Variants in ARHGEF10 observed in about 807,000 individuals in gnomAD.
ARHGEF10 encodes the protein Rho guanine nucleotide exchange factor 10, also known as Rho guanine nucleotide exchange factor (GEF) 10.
In ARHGEF10, 140 loss-of-function variants were observed where a neutral mutation model predicts 147.4. That is an observed-to-expected ratio of 0.95 (90% CI 0.83 to 1.09). ARHGEF10 has a LOEUF of 1.09. Among genes scored for constraint, ARHGEF10 ranks in the 50% least tolerant of loss-of-function variants. The pLI is 0.00. For synonymous variants in ARHGEF10, 902 were observed against 695.8 expected, an observed-to-expected ratio of 1.30 and a Z score of -4.67; for missense variants, 2,222 against 1,752.7, an observed-to-expected ratio of 1.27 and a Z score of -4.78.
chr8:1,947,708 C>A (rs543662647), intron 27 of ARHGEF10, among the ~76,000 whole-genome samples: 3 of 147,554 alleles, frequency 2.0e-5, no homozygotes, highest in South Asian at 4.5e-4. Context: ...CCCTCTCATC[C>A]CAGCATCCCA....
At chr8:1,938,043 G>A (rs554206358) in intron 26 of ARHGEF10, among the ~76,000 whole-genome samples, 1 of 152,264 alleles carries the variant, frequency 6.6e-6, no homozygotes, top group East Asian at 1.9e-4. Context: ...AACGTGGCAG[G>A]GGGCACCCAC....
At chr8:1,848,185 G>C (rs908766053) in intron 2 of ARHGEF10, among the ~76,000 whole-genome samples, 1 of 152,206 alleles carries the variant, frequency 6.6e-6, no homozygotes, top group African/African-American at 2.4e-5. Context: ...TGTATTTGTC[G>C]TCCTCTCTTC....
intron 1 of ARHGEF10, chr8:1,825,906 A>G (rs541301390): frequency 3.0e-5 from 18 of 605,450 alleles, no homozygotes; most frequent in African/African-American, 5.5e-5. Flanking sequence ...AGGAGGAACA[A>G]TTTCACTGTT....
intron 9 of ARHGEF10, 139 bp downstream of exon 9, chr8:1,880,303 G>C: frequency 4.3e-6 from 3 of 691,966 alleles, no homozygotes; most frequent in Non-Finnish European, 7.8e-6. Context: ...CCGACGCTTT[G>C]GGGCTCACGT....
chr8:1,862,724 A>G (rs6558556), intron 4 of ARHGEF10, among the ~76,000 whole-genome samples: 131,046 of 151,666 alleles, frequency 0.86, 57,109 homozygotes, highest in East Asian at 1. Flanking sequence ...TGCAAAACAC[A>G]AGTAAAAGCT....
chr8:1,867,116 G>A (rs1016161974), intron 6 of ARHGEF10, among the ~76,000 whole-genome samples: 1 of 148,172 alleles, frequency 6.7e-6, no homozygotes, highest in Non-Finnish European at 1.5e-5. Context: ...CCGAATAAAT[G>A]TTTTGTTAAT....
At chr8:1,856,759 C>T (rs571288963) in intron 2 of ARHGEF10, among the ~76,000 whole-genome samples, 1 of 152,282 alleles carries the variant, frequency 6.6e-6, no homozygotes, top group Non-Finnish European at 1.5e-5. Context: ...TTTGGGCTGA[C>T]CCAGGCTCTG....
At chr8:1,882,330 A>T (rs1444910226) in intron 9 of ARHGEF10, among the ~76,000 whole-genome samples, 3 of 152,118 alleles carry the variant, frequency 2.0e-5, no homozygotes, top group African/African-American at 7.2e-5. Context: ...GTTGTTTGAC[A>T]TTTGTGCATG....
intron 3 of ARHGEF10, 87 bp from the exon 4 acceptor site, chr8:1,859,810 T>C: frequency 1.3e-6 from 2 of 1,518,714 alleles, no homozygotes; most frequent in East Asian, 2.2e-5. Context: ...TGGGAGCTCA[T>C]ACCTGCTTCC....
At chr8:1,907,269 C>A (rs532312096) in intron 17 of ARHGEF10, among the ~76,000 whole-genome samples, 1 of 152,130 alleles carries the variant, frequency 6.6e-6, no homozygotes, top group African/African-American at 2.4e-5. Flanking sequence ...TGTCCCAGAA[C>A]CCCCCTCTCC....
At position 1,860,143 on chromosome 8, in the gene ARHGEF10, C is replaced by G. The variant is rs1271093796; in HGVS notation, c.440C>G (p.Ser147Cys). The G allele has an allele frequency of 1.1e-5, 17 of 1,613,958 alleles. No homozygotes were observed. Among genetic ancestry groups the G allele is most frequent in the Non-Finnish European group, 1.4e-5 (16 of 1,179,982 alleles). Residue 147 changes from serine to cysteine, a missense_variant, in exon 4 of 29, where the codon TCC (serine) becomes TGC (cysteine). Physicochemically the swap from Ser to Cys is moderately radical, Grantham distance 112. Transcript: ENST00000349830. ...SNLPLLLPAY[S>C]SPVIICATSL... ...CTGCCCCTCCTGCTGCCCGCCTACT[C>G]CAGCCCGGTCATCATCTGCGCCACG...
chr8:1,832,955 CAGAGGCAGATACAGAGGCAGAG>C (rs1282797254), intron 1 of ARHGEF10, among the ~76,000 whole-genome samples: 1 of 55,700 alleles, frequency 1.8e-5, no homozygotes, highest in African/African-American at 7.6e-5. Flanking sequence ...GAGACAGAGG[CAGAGGCAGATACAGAGGCAGAG>C]AGAGACAGAG....
chr8:1,924,472 C>A (rs1420928373), intron 21 of ARHGEF10, among the ~76,000 whole-genome samples: 1 of 152,174 alleles, frequency 6.6e-6, no homozygotes, highest in Non-Finnish European at 1.5e-5. Context: ...ACTGGGATGT[C>A]ATGTGTGTGT....
intron 9 of ARHGEF10, 42 bp downstream of exon 9, chr8:1,880,206 G>C: frequency 6.8e-7 from 1 of 1,469,294 alleles, no homozygotes; most frequent in South Asian, 1.1e-5. Flanking sequence ...TTGCCAGCCG[G>C]GCAGTAAAGA....
chr8:1,912,762 A>T lies in ARHGEF10; in HGVS notation c.2143+3292A>T, dbSNP rs188422615. Among the ~76,000 whole-genome samples the T allele has an allele frequency of 1.5e-3, 228 of 152,220 alleles. 1 individual carries two copies. Among genetic ancestry groups the T allele is most frequent in the Non-Finnish European group, 2.2e-3 (151 of 68,024 alleles). On this transcript the variant is annotated intron_variant, in intron 18 of 28. Transcript: ENST00000349830. Reference sequence around the variant, plus strand: ...AAAATGTCGTGTCCCCTATGGATCCATGGATTGGTTTAAGCTCCCAAACTC... The same window carrying T: ...AAAATGTCGTGTCCCCTATGGATCCTTGGATTGGTTTAAGCTCCCAAACTC...
chr8:1,876,867 A>G lies in ARHGEF10; in HGVS notation c.843+133A>G, dbSNP rs1053545313. On this transcript the variant is annotated intron_variant, in intron 8 of 28. Transcript: ENST00000349830. ...TGCTGATAAGTAGTTTGGGGAAAGCATAAGATATTGGCAAAGGAGAAGACG... is the reference window on the plus strand; with the variant it reads ...TGCTGATAAGTAGTTTGGGGAAAGCGTAAGATATTGGCAAAGGAGAAGACG... 14 of 1,013,886 alleles carry G rather than the reference A, an allele frequency of 1.4e-5. No homozygotes were observed. In the African/African-American group the frequency reaches 2.1e-4, roughly 15 times the overall value. 62.8% of individuals were successfully genotyped at this position (1,013,886 alleles called of 1,614,324 possible).
Position 1,931,892 on chromosome 8 carries a change from C to G in ARHGEF10, c.3080-1908C>G, listed in dbSNP as rs183193046. Among the ~76,000 whole-genome samples the G allele has an allele frequency of 4.1e-3, 632 of 152,316 alleles. 4 individuals are homozygous for G. Among genetic ancestry groups the G allele is most frequent in the African/African-American group, 0.015 (608 of 41,556 alleles). On this transcript the variant is annotated intron_variant, in intron 25 of 28. Coordinates refer to ENST00000349830, the MANE Select transcript of ARHGEF10 (RefSeq NM_014629.4). ...AGCCCACACTGCAGAATGACCCACC[C>G]AGGTGCTCAGAGAACAAAGTTCAGT... is the stretch of plus-strand genomic sequence containing the variant.
chr8:1,881,566 C>G (rs1002005573), intron 9 of ARHGEF10, among the ~76,000 whole-genome samples: 1 of 152,086 alleles, frequency 6.6e-6, no homozygotes, highest in East Asian at 1.9e-4. Flanking sequence ...CAGGGGAGCC[C>G]CCGGGGGATG....
chr8:1,884,359 G>T (rs1808476061), intron 10 of ARHGEF10, among the ~76,000 whole-genome samples: 1 of 150,202 alleles, frequency 6.7e-6, no homozygotes, highest in Non-Finnish European at 1.5e-5. Context: ...TTGCGCCACT[G>T]CACTCCAGCC....
Sources: gnomAD v4.1 joint callset for allele counts (sites outside exome capture counted in the v4.1 genomes callset) on GRCh38, gnomAD v4.1.1 for gene constraint, MANE v1.5 for transcripts, NCBI Gene and HGNC (gene_info 2026-07-23, HGNC 2026-07-21) for gene names.